The following CNTNAP2 variants were observed in gnomAD, a reference collection of about 807,000 sequenced individuals.
The protein encoded by CNTNAP2 is contactin-associated protein-like 2.
A neutral mutation model predicts 155.2 loss-of-function variants in CNTNAP2; 98 were observed. The observed-to-expected ratio is 0.63, with a 90% CI of 0.54 to 0.75. CNTNAP2 has a LOEUF of 0.75. Ranked by LOEUF, CNTNAP2 falls within the 30% of genes least tolerant of loss-of-function variation. The pLI is 0.00. For missense variants in CNTNAP2, 1,727 were observed against 1,688.1 expected, an observed-to-expected ratio of 1.02 and a Z score of -0.40; for synonymous variants, 651 against 631.2, an observed-to-expected ratio of 1.03 and a Z score of -0.47.
At chr7:146,246,959 A>C (rs1799670354) in intron 1 of CNTNAP2, among the ~76,000 whole-genome samples, 1 of 152,132 alleles carries the variant, frequency 6.6e-6, no homozygotes, top group Admixed American at 6.5e-5. Context: ...GAGGCAAGGA[A>C]TTGCAACTTT....
chr7:148,073,980 C>T (rs1012650821), intron 15 of CNTNAP2, among the ~76,000 whole-genome samples: 5 of 152,016 alleles, frequency 3.3e-5, no homozygotes, highest in Non-Finnish European at 5.9e-5. Context: ...GGAACCAATC[C>T]CCCATAGATA....
At position 147,128,738 on chromosome 7, in the gene CNTNAP2, A is replaced by T. The variant is rs1425526715; in HGVS notation, c.985A>T (p.Ser329Cys). 1 of 1,614,100 alleles carries T rather than the reference A, an allele frequency of 6.2e-7. No homozygotes were observed. The highest frequency in any genetic ancestry group is 8.5e-7 in the Non-Finnish European group (1 of 1,179,966). Residue 329 changes from serine (S) to cysteine (C), a missense_variant, in exon 7 of 24, where the codon AGT becomes TGT. Ser to Cys is a moderately radical substitution (Grantham distance 112, BLOSUM62 -1). Coordinates refer to ENST00000361727, the MANE Select transcript of CNTNAP2 (RefSeq NM_014141.6). ...TTTCTCTGGCAAGCCCAGCTCCAGC[A>T]GTAGAAAGAATTTCAAAGGCTGCAT... ...IPFSGKPSSS[S>C]RKNFKGCMES...
At chr7:146,615,542 G>A (rs1799210068) in intron 1 of CNTNAP2, among the ~76,000 whole-genome samples, 1 of 152,212 alleles carries the variant, frequency 6.6e-6, no homozygotes, top group Admixed American at 6.5e-5. Flanking sequence ...ATTGGTTGCA[G>A]GTGCTGTTGG....
At chr7:146,544,930 G>A (rs1192935336) in intron 1 of CNTNAP2, among the ~76,000 whole-genome samples, 4 of 151,912 alleles carry the variant, frequency 2.6e-5, no homozygotes, top group African/African-American at 4.8e-5. Context: ...ATCTGGACTA[G>A]AGGAAGTTAT....
intron 1 of CNTNAP2, among the ~76,000 whole-genome samples, chr7:146,352,750 G>GTTTTTTTTGTTTTTTTTTTTTTTT (rs1794934824): frequency 1.6e-5 from 1 of 64,340 alleles, no homozygotes; most frequent in African/African-American, 6.4e-5. Context: ...GCATAATTCT[G>GTTTTTTTTGTTTTTTTTTTTTTTT]TTTTTTTTTT....
intron 12 of CNTNAP2, among the ~76,000 whole-genome samples, chr7:147,623,685 A>T (rs1794911803): frequency 6.6e-6 from 1 of 152,046 alleles, no homozygotes; most frequent in African/African-American, 2.4e-5. Flanking sequence ...TCCCAAAGTG[A>T]TCTATAGATT....
intron 9 of CNTNAP2, among the ~76,000 whole-genome samples, chr7:147,346,698 C>A (rs1408026164): frequency 6.6e-6 from 1 of 152,182 alleles, no homozygotes; most frequent in Non-Finnish European, 1.5e-5. Flanking sequence ...ATTTACACAG[C>A]AAATTTTAAA....
At chr7:148,142,427 A>G (rs1805094212) in intron 16 of CNTNAP2, among the ~76,000 whole-genome samples, 2 of 152,152 alleles carry the variant, frequency 1.3e-5, no homozygotes, top group African/African-American at 2.4e-5. Flanking sequence ...GATATTGATA[A>G]CACTGTTCAC....
Position 146,721,127 on chromosome 7 carries a change from C to A in CNTNAP2, c.98-53144C>A, listed in dbSNP as rs936020517. ...TCTATATATATTCTCTCTATATATC[C>A]TATATATATTCTCTTTATATATTCT... On this transcript the variant is annotated intron_variant, in intron 1 of 23. Transcript: ENST00000361727. Among the ~76,000 whole-genome samples the A allele has an allele frequency of 2.5e-4, 33 of 130,242 alleles. No homozygotes were observed. The East Asian group carries it at 7.0e-3, about 28-fold the overall frequency. 85.4% of individuals were successfully genotyped at this position (130,242 alleles called of 152,430 possible).
intron 2 of CNTNAP2, among the ~76,000 whole-genome samples, chr7:146,790,365 G>A (rs775724133): frequency 8.5e-5 from 13 of 152,076 alleles, no homozygotes; most frequent in Non-Finnish European, 4.4e-5. Context: ...TTGGTATTTT[G>A]TACACCAAAC....
At chr7:146,701,512 G>A (rs1800877755) in intron 1 of CNTNAP2, among the ~76,000 whole-genome samples, 2 of 152,068 alleles carry the variant, frequency 1.3e-5, no homozygotes, top group South Asian at 4.1e-4. Flanking sequence ...TATTCTTCCA[G>A]TCTTTCAAAA....
chr7:146,882,082 G>A (rs887001551), intron 3 of CNTNAP2, among the ~76,000 whole-genome samples: 10 of 151,870 alleles, frequency 6.6e-5, no homozygotes, highest in South Asian at 2.1e-4. Flanking sequence ...TTCTGTTCCC[G>A]CATTAATTAG....
At chr7:148,229,872 A>T (rs1460334979) in intron 20 of CNTNAP2, 93 bp downstream of exon 20, 3 of 1,430,786 alleles carry the variant, frequency 2.1e-6, no homozygotes, top group Non-Finnish European at 2.9e-6. Flanking sequence ...TTGAGGGGAT[A>T]GAAGTAGAAG....
chr7:146,190,420 T>C (rs1041425711), intron 1 of CNTNAP2, among the ~76,000 whole-genome samples: 1 of 152,178 alleles, frequency 6.6e-6, no homozygotes, highest in Non-Finnish European at 1.5e-5. Flanking sequence ...ACCCTTTTTA[T>C]CAGTGTCTGT....
intron 1 of CNTNAP2, among the ~76,000 whole-genome samples, chr7:146,677,234 T>G (rs1800416253): frequency 6.6e-6 from 1 of 152,148 alleles, no homozygotes; most frequent in South Asian, 2.1e-4. Context: ...TTCTTCCAGG[T>G]TATAGGTGGA....
At chr7:147,931,720 T>C (rs1449172340) in intron 14 of CNTNAP2, among the ~76,000 whole-genome samples, 2 of 151,990 alleles carry the variant, frequency 1.3e-5, no homozygotes, top group Admixed American at 6.5e-5. Flanking sequence ...CTATGAAACA[T>C]TGATGAAAAA....
intron 1 of CNTNAP2, among the ~76,000 whole-genome samples, chr7:146,544,448 C>T (rs1797999121): frequency 6.6e-6 from 1 of 151,992 alleles, no homozygotes; most frequent in Non-Finnish European, 1.5e-5. Flanking sequence ...CAGCCTAAAA[C>T]AGTTGTTCTT....
intron 1 of CNTNAP2, among the ~76,000 whole-genome samples, chr7:146,353,559 T>C (rs1794953776): frequency 6.6e-6 from 1 of 152,176 alleles, no homozygotes; most frequent in African/African-American, 2.4e-5. Flanking sequence ...CTCAGACTTG[T>C]ATCCCAACTG....
intron 1 of CNTNAP2, among the ~76,000 whole-genome samples, chr7:146,643,003 G>T (rs1456192173): frequency 7.0e-6 from 1 of 141,990 alleles, no homozygotes; most frequent in East Asian, 2.2e-4. Flanking sequence ...TTTTGATGGG[G>T]TTTTTTGTTT....
Sources: allele counts gnomAD v4.1 joint callset (sites outside exome capture counted in the v4.1 genomes callset), GRCh38; gene constraint gnomAD v4.1.1; transcripts MANE v1.5; gene names NCBI Gene and HGNC (gene_info 2026-07-23, HGNC 2026-07-21).